CFDP1: variants seen among roughly 807,000 people sequenced by gnomAD.
CFDP1 encodes heterochromatin-stabilizing protein CFDP1.
A neutral mutation model predicts 40.1 loss-of-function variants in CFDP1; 31 were observed. The observed-to-expected ratio is 0.77, with a 90% CI of 0.58 to 1.04. The LOEUF is 1.04. CFDP1 is among the 50% of genes least tolerant of loss of function. The pLI, the probability that CFDP1 is intolerant of heterozygous loss-of-function variation, is 0.00. For synonymous variants in CFDP1, 167 were observed against 120.0 expected, an observed-to-expected ratio of 1.39 and a Z score of -2.56; for missense variants, 423 against 343.4, an observed-to-expected ratio of 1.23 and a Z score of -1.83.
chr16:75,347,362 A>AG (rs2078576371), intron 5 of CFDP1, among the ~76,000 whole-genome samples: 1 of 90,104 alleles, frequency 1.1e-5, no homozygotes, highest in Admixed American at 9.0e-5. Flanking sequence ...AAAAAAAAAA[A>AG]AAGAAAAAGA....
intron 1 of CFDP1, among the ~76,000 whole-genome samples, chr16:75,423,441 G>C (rs963410946): frequency 6.6e-6 from 1 of 152,030 alleles, no homozygotes; most frequent in Non-Finnish European, 1.5e-5. Flanking sequence ...AGCGATTCTC[G>C]TGCCTCAGCC....
intron 4 of CFDP1, among the ~76,000 whole-genome samples, chr16:75,397,211 G>C (rs1479793716): frequency 1.3e-5 from 2 of 151,014 alleles, no homozygotes; most frequent in Admixed American, 6.6e-5. Context: ...ACTGCGCCCA[G>C]CGTTTTTTTG....
At chr16:75,351,728 C>G (rs190046955) in intron 5 of CFDP1, among the ~76,000 whole-genome samples, 1 of 152,202 alleles carries the variant, frequency 6.6e-6, no homozygotes, top group East Asian at 1.9e-4. Flanking sequence ...AGGTAAATAG[C>G]CAAGTGTGGT....
rs537832542 is a variant in CFDP1 at position 75,381,998 on chromosome 16, C to G, written c.650+13092G>C. On this transcript the variant is annotated intron_variant, in intron 5 of 6. Coordinates refer to ENST00000283882, the MANE Select transcript of CFDP1 (RefSeq NM_006324.3). The stretch of plus-strand genomic sequence containing the variant: ...AGGCATGGTGGTGCATGCCTGTAGT[C>G]CCAGCTACACAGGAGGCTGAGGTGG... Among the ~76,000 whole-genome samples, 3 of 152,062 alleles carry G rather than the reference C, an allele frequency of 2.0e-5. No individual in the cohort carries two copies. In the South Asian group the frequency reaches 6.2e-4, roughly 32 times the overall value.
chr16:75,322,161 A>G (rs2078368974), intron 5 of CFDP1, among the ~76,000 whole-genome samples: 1 of 152,234 alleles, frequency 6.6e-6, no homozygotes, highest in African/African-American at 2.4e-5. Flanking sequence ...CATGATGGTC[A>G]TGCATACATT....
intron 5 of CFDP1, chr16:75,324,569 C>G (rs1435962078): frequency 1.3e-5 from 2 of 152,102 alleles, no homozygotes; most frequent in East Asian, 3.9e-4. Context: ...TGGTGAAACT[C>G]CGTCTCTACT....
intron 5 of CFDP1, among the ~76,000 whole-genome samples, chr16:75,319,245 T>C (rs1408470704): frequency 6.6e-6 from 1 of 152,114 alleles, no homozygotes; most frequent in African/African-American, 2.4e-5. Context: ...GGTTTCACCA[T>C]GTTGGCCAGG....
intron 5 of CFDP1, among the ~76,000 whole-genome samples, chr16:75,364,925 C>T (rs2078703920): frequency 6.6e-6 from 1 of 152,178 alleles, no homozygotes; most frequent in Non-Finnish European, 1.5e-5. Context: ...GTGCTAAACA[C>T]TGGCCATTAA....
intron 4 of CFDP1, among the ~76,000 whole-genome samples, chr16:75,404,423 G>T (rs1008201343): frequency 2.2e-4 from 33 of 151,676 alleles, no homozygotes; most frequent in East Asian, 3.9e-4. Context: ...GGGTTTCACC[G>T]TGTTAGCCAG....
At chr16:75,398,251 A>G (rs2079014623) in intron 4 of CFDP1, among the ~76,000 whole-genome samples, 1 of 152,264 alleles carries the variant, frequency 6.6e-6, no homozygotes, top group Non-Finnish European at 1.5e-5. Flanking sequence ...AAACTGAAAT[A>G]TAAGGTTGCG....
chr16:75,365,647 G>A (rs2078708372), intron 5 of CFDP1, among the ~76,000 whole-genome samples: 1 of 152,100 alleles, frequency 6.6e-6, no homozygotes, highest in Non-Finnish European at 1.5e-5. Context: ...AGGCCAGGAG[G>A]ATCACTTGAG....
chr16:75,307,406 G>A lies in CFDP1; in HGVS notation c.651-2224C>T, dbSNP rs577152948. 4.1e-4 allele frequency among the ~76,000 whole-genome samples: 62 copies of A among 152,006 alleles called. No individual in the cohort carries two copies. The South Asian group carries it at 0.011, about 28-fold the overall frequency. On this transcript the variant is annotated intron_variant, in intron 5 of 6. Coordinates refer to ENST00000283882, the MANE Select transcript of CFDP1 (RefSeq NM_006324.3). ...AATTTTTTGTATTTTTAGTAGAGAC[G>A]GGGTTTTGCCATGTTGGGCAGGCTG...
At chr16:75,357,277 C>T (rs1279354754) in intron 5 of CFDP1, among the ~76,000 whole-genome samples, 1 of 151,694 alleles carries the variant, frequency 6.6e-6, no homozygotes, top group African/African-American at 2.4e-5. Flanking sequence ...TTTTTTGAAA[C>T]GAAGTCTCAT....
intron 5 of CFDP1, chr16:75,394,553 A>G (rs1473319216): frequency 1.3e-5 from 2 of 150,504 alleles, no homozygotes; most frequent in Non-Finnish European, 2.9e-5. Flanking sequence ...GAAAAGTATT[A>G]TTTTTAAATG....
In CFDP1 at chr16:75,300,623, G is replaced by C. The variant is rs543860586; in HGVS notation, c.809+4401C>G. 6.6e-5 allele frequency among the ~76,000 whole-genome samples: 10 copies of C among 152,262 alleles called. No individual in the cohort carries two copies. The East Asian group carries it at 1.9e-3, about 29-fold the overall frequency. On this transcript the variant is annotated intron_variant, in intron 6 of 6. Coordinates refer to ENST00000283882, the MANE Select transcript of CFDP1 (RefSeq NM_006324.3). ...TTTTAACAGTAGGGTAGACAGTGAT[G>C]TGCCATTTTCTAAGAATTCTGAGGA...
chr16:75,415,025 C>T (rs183028236), intron 1 of CFDP1, among the ~76,000 whole-genome samples: 1 of 152,266 alleles, frequency 6.6e-6, no homozygotes, highest in Non-Finnish European at 1.5e-5. Context: ...TAAGTATTCA[C>T]TAAATGAATG....
At chr16:75,432,370 T>TAAAA (rs55961935) in intron 1 of CFDP1, among the ~76,000 whole-genome samples, 3,285 of 105,412 alleles carry the variant, frequency 0.031, 67 homozygotes, top group Non-Finnish European at 0.036. Context: ...ATGCCATTTC[T>TAAAA]AAAAAAAAAA....
rs553445156 is a variant in CFDP1, at chr16:75,384,136, G to A, written c.650+10954C>T. ...CTAGCACTTTGTGAGGCTGAGGTGG[G>A]CAGATCACCTGAGGTCAGGAGAGCA... is the stretch of plus-strand genomic sequence containing the variant. On this transcript the variant is annotated intron_variant, in intron 5 of 6. Coordinates refer to ENST00000283882, the MANE Select transcript of CFDP1 (RefSeq NM_006324.3). 4.6e-5 allele frequency among the ~76,000 whole-genome samples: 7 copies of A among 152,244 alleles called. No homozygotes were observed. The South Asian group carries it at 1.5e-3, about 32-fold the overall frequency.
chr16:75,323,121 C>T (rs1010596185), intron 5 of CFDP1, among the ~76,000 whole-genome samples: 1 of 151,730 alleles, frequency 6.6e-6, no homozygotes, highest in African/African-American at 2.4e-5. Flanking sequence ...TTTAGTAATG[C>T]TTAGCTTAAA....
Sources: gnomAD v4.1 joint callset for allele counts (sites outside exome capture counted in the v4.1 genomes callset) on GRCh38, gnomAD v4.1.1 for gene constraint, MANE v1.5 for transcripts, NCBI Gene and HGNC (gene_info 2026-07-23, HGNC 2026-07-21) for gene names.